APLF: variants seen among roughly 807,000 people sequenced by gnomAD.
APLF encodes the protein aprataxin and PNK-like factor.
Under a neutral mutation model 55.6 loss-of-function variants are expected in APLF, and 61 were observed. That is an observed-to-expected ratio of 1.10 (90% confidence interval 0.89 to 1.36). APLF has a LOEUF of 1.36. Ranked by LOEUF, APLF falls within the 40% of genes most tolerant of loss-of-function variation. The probability of loss-of-function intolerance (pLI) is 0.00; values close to 1 mark genes in which losing one functional copy is unlikely to be tolerated. For synonymous variants in APLF, 207 were observed against 214.8 expected, an observed-to-expected ratio of 0.96 and a Z score of 0.32; for missense variants, 611 against 602.5, an observed-to-expected ratio of 1.01 and a Z score of -0.15.
intron 9 of APLF, among the ~76,000 whole-genome samples, chr2:68,570,786 T>A (rs548410068): frequency 6.6e-6 from 1 of 152,284 alleles, no homozygotes; most frequent in East Asian, 1.9e-4. Context: ...AGCAGCATGA[T>A]TTATATTCCT....
At chr2:68,492,471 C>T (rs1264131188) in intron 2 of APLF, among the ~76,000 whole-genome samples, 1 of 152,026 alleles carries the variant, frequency 6.6e-6, no homozygotes, top group African/African-American at 2.4e-5. Context: ...GAACGAGACT[C>T]CGCCTCAAAA....
chr2:68,518,965 A>T (rs1239275715), intron 5 of APLF, among the ~76,000 whole-genome samples: 1 of 119,530 alleles, frequency 8.4e-6, no homozygotes, highest in Non-Finnish European at 1.6e-5. Flanking sequence ...AATAATACAT[A>T]ATAATATGCT....
intron 8 of APLF, among the ~76,000 whole-genome samples, chr2:68,561,126 A>G (rs1671156472): frequency 6.6e-6 from 1 of 152,148 alleles, no homozygotes; most frequent in Non-Finnish European, 1.5e-5. Context: ...CCATTGTTGA[A>G]TATCCTAAAG....
chr2:68,500,837 A>C (rs1204620613), intron 2 of APLF, among the ~76,000 whole-genome samples: 4 of 152,208 alleles, frequency 2.6e-5, no homozygotes, highest in Non-Finnish European at 5.9e-5. Flanking sequence ...CAGCGGACAC[A>C]AGCTCAGAGC....
chr2:68,501,839 A>G (rs907831605), intron 2 of APLF, among the ~76,000 whole-genome samples: 1 of 152,136 alleles, frequency 6.6e-6, no homozygotes, highest in Non-Finnish European at 1.5e-5. Flanking sequence ...CTTCCTTCCT[A>G]TATGTCTTAG....
chr2:68,556,748 T>C (rs1671027045), intron 8 of APLF, among the ~76,000 whole-genome samples: 1 of 152,204 alleles, frequency 6.6e-6, no homozygotes, highest in Non-Finnish European at 1.5e-5. Context: ...AAAATGTTGG[T>C]GTCTTGATGT....
At chr2:68,567,240 T>G (rs970906846) in intron 8 of APLF, 101 bp from the exon 9 acceptor site, 17 of 1,012,732 alleles carry the variant, frequency 1.7e-5, no homozygotes, top group Non-Finnish European at 2.1e-5. Context: ...TATTGGGTCC[T>G]AAGTTTATTT....
intron 8 of APLF, 35 bp downstream of exon 8, chr2:68,545,347 C>G (rs1274891532): frequency 6.3e-7 from 1 of 1,588,518 alleles, no homozygotes; most frequent in Non-Finnish European, 8.6e-7. Flanking sequence ...CACTCCTTTT[C>G]TTTCTTATCT....
chr2:68,563,409 T>C (rs1210692299), intron 8 of APLF: 1 of 957,178 alleles, frequency 1.0e-6, no homozygotes, highest in Non-Finnish European at 1.2e-6. Context: ...AAGTAGGATG[T>C]GAGGTTGGTG....
chr2:68,526,149 T>C lies in APLF; in HGVS notation c.711T>C (p.Ile237=), dbSNP rs369393662. The change falls in exon 6 of 10, where the codon ATT becomes ATC. Residue 237 remains isoleucine, a synonymous_variant. Coordinates refer to ENST00000303795, the MANE Select transcript of APLF (RefSeq NM_173545.3). Reference sequence around the variant, plus strand: ...CCCAGCAAGGAAGAAGGCAATTAATTTCATCAGGAAGTTCAGAAAATACAT... The same window carrying C: ...CCCAGCAAGGAAGAAGGCAATTAATCTCATCAGGAAGTTCAGAAAATACAT... ...NTTQQGRRQL[I]SSGSSENTSA... The C allele has an allele frequency of 2.7e-5, 44 of 1,613,780 alleles. No homozygotes were observed. The highest frequency in any genetic ancestry group is 4.2e-6 in the Non-Finnish European group (5 of 1,179,954).
At chr2:68,515,292 A>T (rs978602240) in intron 5 of APLF, among the ~76,000 whole-genome samples, 3 of 148,210 alleles carry the variant, frequency 2.0e-5, no homozygotes, top group African/African-American at 4.9e-5. Context: ...CTTCATGTGT[A>T]ATATATATAT....
At chr2:68,531,045 A>C (rs1193691108) in intron 6 of APLF, among the ~76,000 whole-genome samples, 2 of 152,156 alleles carry the variant, frequency 1.3e-5, no homozygotes, top group African/African-American at 4.8e-5. Flanking sequence ...AATTGATGGG[A>C]TAATTCTTAA....
At chr2:68,548,095 A>G (rs1670753221) in intron 8 of APLF, among the ~76,000 whole-genome samples, 1 of 151,906 alleles carries the variant, frequency 6.6e-6, no homozygotes, top group African/African-American at 2.4e-5. Flanking sequence ...CTGAACAAAT[A>G]ACTTCCAGAT....
intron 3 of APLF, among the ~76,000 whole-genome samples, chr2:68,504,798 A>G (rs1327668448): frequency 1.3e-5 from 2 of 152,062 alleles, no homozygotes; most frequent in Admixed American, 6.6e-5. Flanking sequence ...AGCAAGCCAC[A>G]AAAGTGTCTA....
At chr2:68,562,742 TAGA>T (rs923901983) in intron 8 of APLF, among the ~76,000 whole-genome samples, 4 of 151,858 alleles carry the variant, frequency 2.6e-5, no homozygotes, top group Non-Finnish European at 5.9e-5. Flanking sequence ...TCCCCTAGAG[TAGA>T]AACAAAAGAT....
At chr2:68,481,319 C>T (rs1202255688) in intron 1 of APLF, among the ~76,000 whole-genome samples, 6 of 152,098 alleles carry the variant, frequency 3.9e-5, no homozygotes, top group African/African-American at 9.7e-5. Context: ...GGGAAAACTT[C>T]ATTTCTAAAG....
intron 6 of APLF, among the ~76,000 whole-genome samples, chr2:68,537,266 A>T (rs959718610): frequency 6.6e-6 from 1 of 151,904 alleles, no homozygotes; most frequent in Non-Finnish European, 1.5e-5. Context: ...AAATGAAAGC[A>T]AATGTCTTCT....
At position 68,532,518 on chromosome 2, in the gene APLF, G is replaced by A. The variant is rs200455856; in HGVS notation, c.805-5354G>A. Among the ~76,000 whole-genome samples the A allele has an allele frequency of 1.2e-4, 19 of 152,284 alleles. No homozygotes were observed. The East Asian group carries it at 3.5e-3, about 28-fold the overall frequency. On this transcript the variant is annotated intron_variant, in intron 6 of 9. Coordinates refer to ENST00000303795, the MANE Select transcript of APLF (RefSeq NM_173545.3). ...CATTGAACACCTCAGAGGAAACTGA[G>A]GCCCAAGGTCACATTGTTAGGAAAC...
intron 1 of APLF, among the ~76,000 whole-genome samples, chr2:68,485,339 G>A (rs1450558954): frequency 3.3e-5 from 5 of 151,934 alleles, no homozygotes; most frequent in Admixed American, 1.3e-4. Context: ...TTGTTTTTCC[G>A]ATTGTTTGCA....
Sources: allele counts gnomAD v4.1 joint callset (sites outside exome capture counted in the v4.1 genomes callset), GRCh38; gene constraint gnomAD v4.1.1; transcripts MANE v1.5; gene names NCBI Gene and HGNC (gene_info 2026-07-23, HGNC 2026-07-21).